The following ADGRL2 variants were observed in gnomAD, a reference collection of about 807,000 sequenced individuals.
The protein encoded by ADGRL2 is calcium-independent alpha-latrotoxin receptor 2.
A neutral mutation model predicts 157.4 loss-of-function variants in ADGRL2; 44 were observed. That is an observed-to-expected ratio of 0.28 (90% CI 0.22 to 0.36). ADGRL2 has a LOEUF of 0.36. ADGRL2 is among the 10% of genes least tolerant of loss of function. The probability of loss-of-function intolerance (pLI) is 1.00; values close to 1 mark genes in which losing one functional copy is unlikely to be tolerated. For missense variants in ADGRL2, 1,510 were observed against 1,768.9 expected, an observed-to-expected ratio of 0.85 and a Z score of 2.63; for synonymous variants, 585 against 624.7, an observed-to-expected ratio of 0.94 and a Z score of 0.95.
chr1:81,935,978 ATT>A (rs767549913), intron 3 of ADGRL2, among the ~76,000 whole-genome samples: 6 of 151,932 alleles, frequency 3.9e-5, no homozygotes, highest in Non-Finnish European at 8.8e-5. Flanking sequence ...TTAATGTTAT[ATT>A]TTAGGGAGTA....
chr1:81,645,811 G>T (rs2082304798), intron 3 of ADGRL2, among the ~76,000 whole-genome samples: 1 of 151,946 alleles, frequency 6.6e-6, no homozygotes, highest in Non-Finnish European at 1.5e-5. Context: ...AATAAATACT[G>T]ATGCATTGCA....
At position 81,416,656 on chromosome 1, in the gene ADGRL2, T is replaced by C. The variant is rs529343841; in HGVS notation, c.-301-28380T>C. Among the ~76,000 whole-genome samples, 24 of 152,324 alleles carry C rather than the reference T, an allele frequency of 1.6e-4. No individual in the cohort carries two copies. In the South Asian group the frequency reaches 5.0e-3, roughly 32 times the overall value. ...CATTTATTCATTCATCTAACATATA[T>C]ATTGGTTGAATGTCTATCATGTATA... is the stretch of plus-strand genomic sequence containing the variant. On this transcript the variant is annotated intron_variant, in intron 1 of 24. Transcript: ENST00000370721.
chr1:81,969,381 A>G lies in ADGRL2; in HGVS notation c.2727A>G (p.Lys909=). 6.2e-7 allele frequency: 1 copy of G among 1,610,326 alleles called. No individual in the cohort carries two copies. The highest frequency in any genetic ancestry group is 8.5e-7 in the Non-Finnish European group (1 of 1,176,700). The change falls in exon 15 of 24, where the codon AAA becomes AAG. Residue 909 remains lysine, a synonymous_variant. Coordinates refer to ENST00000686636, the MANE Select transcript of ADGRL2 (RefSeq NM_001366006.2). ...FIFLIGIDKT[K]YAIACPIFAG... is the part of the protein sequence containing the mutation. ...TCCTAATAGGCATTGATAAGACAAA[A>G]TATGCGGTAAGCACCAGTTGAGTTC...
intron 2 of ADGRL2, among the ~76,000 whole-genome samples, chr1:81,515,444 G>GAAAAA (rs35373497): frequency 1.8e-5 from 2 of 111,626 alleles, no homozygotes; most frequent in African/African-American, 2.9e-5. Flanking sequence ...AGGAACCTCA[G>GAAAAA]AAAAAAAAAA....
intron 2 of ADGRL2, among the ~76,000 whole-genome samples, chr1:81,522,786 T>G (rs2079353178): frequency 6.6e-6 from 1 of 152,174 alleles, no homozygotes; most frequent in Non-Finnish European, 1.5e-5. Flanking sequence ...TAAAGCTAAT[T>G]TTTGCGTGCT....
chr1:81,481,051 A>G (rs1401218210), intron 2 of ADGRL2, among the ~76,000 whole-genome samples: 1 of 152,202 alleles, frequency 6.6e-6, no homozygotes, highest in Non-Finnish European at 1.5e-5. Flanking sequence ...ATACAAATTA[A>G]AGAAATTTAA....
intron 11 of ADGRL2, among the ~76,000 whole-genome samples, chr1:81,965,470 C>T (rs142658703): frequency 1.3e-5 from 2 of 152,106 alleles, no homozygotes; most frequent in African/African-American, 4.8e-5. Context: ...ACATTTTCAT[C>T]ATAAATATAT....
Position 81,948,215 on chromosome 1 carries a change from C to CAA in ADGRL2, c.1211-1964_1211-1963dup, listed in dbSNP as rs199847998. 1.2e-3 allele frequency among the ~76,000 whole-genome samples: 150 copies of CAA among 120,182 alleles called. 2 individuals carry two copies. Among genetic ancestry groups the CAA allele is most frequent in the Middle Eastern group, 8.8e-3 (2 of 226 alleles). 78.8% of individuals were successfully genotyped at this position (120,182 alleles called of 152,430 possible). A position where few individuals can be genotyped will look rare whatever the true frequency, so the allele number is the denominator to read the frequency against. ...CTGGTGACAGAGCAAGACTCCATCT[C>CAA]AAAAAAAAAAACAAAAACAAAAAGG... On this transcript the variant is annotated intron_variant, in intron 6 of 23. Transcript: ENST00000686636.
intron 3 of ADGRL2, among the ~76,000 whole-genome samples, chr1:81,669,574 A>G (rs565772825): frequency 9.8e-5 from 15 of 152,294 alleles, no homozygotes; most frequent in Non-Finnish European, 1.8e-4. Flanking sequence ...AAACATATAA[A>G]AGACATGTTA....
intron 3 of ADGRL2, among the ~76,000 whole-genome samples, chr1:81,634,525 TGG>T (rs376788906): frequency 0.12 from 15,953 of 137,076 alleles, 949 homozygotes; most frequent in Middle Eastern, 0.15. Context: ...TTTTTTTTTT[TGG>T]TTTTTTTGTT....
At chr1:81,540,136 T>C (rs954005977) in intron 2 of ADGRL2, among the ~76,000 whole-genome samples, 1 of 152,188 alleles carries the variant, frequency 6.6e-6, no homozygotes, top group Non-Finnish European at 1.5e-5. Context: ...GAATAGGTTA[T>C]TTCTAATTTT....
chr1:81,692,178 G>T lies in ADGRL2; in HGVS notation c.-142-69633G>T, dbSNP rs566451044. ...TCCTAGCACTTTGGGAGGCCAAGGC[G>T]GGCAGATCACCTGAGGTCAGGGGTT... On this transcript the variant is annotated intron_variant, in intron 3 of 24. Transcript: ENST00000370721. Among the ~76,000 whole-genome samples the T allele has an allele frequency of 2.6e-5, 4 of 151,906 alleles. No homozygotes were observed. In the East Asian group the frequency reaches 7.8e-4, roughly 30 times the overall value.
chr1:81,649,951 G>C (rs2082380970), intron 3 of ADGRL2, among the ~76,000 whole-genome samples: 1 of 151,836 alleles, frequency 6.6e-6, no homozygotes, highest in African/African-American at 2.4e-5. Flanking sequence ...GAAAACAGTA[G>C]TATCATGCTG....
At chr1:81,551,919 A>G (rs1475770388) in intron 2 of ADGRL2, among the ~76,000 whole-genome samples, 1 of 152,210 alleles carries the variant, frequency 6.6e-6, no homozygotes, top group African/African-American at 2.4e-5. Flanking sequence ...ACTGAAATGT[A>G]TTAGTGGGAA....
intron 2 of ADGRL2, among the ~76,000 whole-genome samples, chr1:81,477,081 A>G (rs540494972): frequency 2.6e-5 from 4 of 152,304 alleles, no homozygotes; most frequent in South Asian, 2.1e-4. Context: ...TGTTCCTCAG[A>G]TTGGTTGACC....
rs545097812 is a variant in ADGRL2, at chr1:81,509,778, A to G, written c.-248+64689A>G. ...ACTCACTGTGCCAGGCAAGCGCTCTATTGAATTGTTTGCACCAGCCATTTC... is the reference window on the plus strand; with the variant it reads ...ACTCACTGTGCCAGGCAAGCGCTCTGTTGAATTGTTTGCACCAGCCATTTC... On this transcript the variant is annotated intron_variant, in intron 2 of 24. Coordinates refer to the ADGRL2 transcript ENST00000370721. Among the ~76,000 whole-genome samples the G allele has an allele frequency of 4.0e-4, 61 of 152,300 alleles. 1 individual carries two copies. The South Asian group carries it at 0.011, about 27-fold the overall frequency.
At chr1:81,972,568 A>G (rs1248713021) in intron 17 of ADGRL2, among the ~76,000 whole-genome samples, 1 of 152,126 alleles carries the variant, frequency 6.6e-6, no homozygotes, top group Non-Finnish European at 1.5e-5. Flanking sequence ...TTTGAGATAT[A>G]GTTGAAATAA....
At chr1:81,637,069 C>T (rs1276279461) in intron 3 of ADGRL2, among the ~76,000 whole-genome samples, 1 of 152,130 alleles carries the variant, frequency 6.6e-6, no homozygotes, top group Non-Finnish European at 1.5e-5. Flanking sequence ...GTCTCGAACT[C>T]CTGACCTCAA....
intron 2 of ADGRL2, among the ~76,000 whole-genome samples, chr1:81,872,276 T>A (rs1444266560): frequency 1.3e-5 from 2 of 152,212 alleles, no homozygotes; most frequent in Admixed American, 6.5e-5. Flanking sequence ...GGCTCTGTTC[T>A]GTTCCATTGG....
Sources: gnomAD v4.1 joint callset for allele counts (sites outside exome capture counted in the v4.1 genomes callset) on GRCh38, gnomAD v4.1.1 for gene constraint, MANE v1.5 for transcripts, NCBI Gene and HGNC (gene_info 2026-07-23, HGNC 2026-07-21) for gene names.